The following SUGCT variants were observed in gnomAD, a reference collection of about 807,000 sequenced individuals.
The protein encoded by SUGCT is succinyl-CoA:glutarate CoA-transferase.
In SUGCT, 41 loss-of-function variants were observed where a neutral mutation model predicts 55.0. The ratio of observed to expected loss-of-function variants is 0.74; its 90% CI spans 0.58 to 0.97. The LOEUF (loss-of-function observed/expected upper bound fraction) is 0.97, where lower values mean the gene tolerates loss of function less well. Among genes scored for constraint, SUGCT ranks in the 50% least tolerant of loss-of-function variants. The pLI, the probability that SUGCT is intolerant of heterozygous loss-of-function variation, is 0.00. For missense variants in SUGCT, 568 were observed against 547.8 expected (o/e 1.04, Z -0.37); for synonymous variants, 187 against 200.4 (o/e 0.93, Z 0.56).
chr7:40,483,611 G>C (rs896316062), intron 11 of SUGCT, among the ~76,000 whole-genome samples: 1 of 151,342 alleles, frequency 6.6e-6, no homozygotes, highest in African/African-American at 2.4e-5. Context: ...TCCAGGAGAA[G>C]AAATTTGTAA....
At position 40,187,340 on chromosome 7, in the gene SUGCT, A is replaced by G. The variant is rs546976036; in HGVS notation, c.227-1155A>G. ...TAGGAGATATACCTAATGTTAAATG[A>G]TGAGTTAATGGGTGCAGCACACCAA... On this transcript the variant is annotated intron_variant, in intron 3 of 13. Transcript: ENST00000335693. Among the ~76,000 whole-genome samples the G allele has an allele frequency of 1.7e-3, 266 of 152,264 alleles. 1 individual carries two copies. Among genetic ancestry groups the G allele is most frequent in the Non-Finnish European group, 3.1e-3 (211 of 68,018 alleles).
intron 9 of SUGCT, among the ~76,000 whole-genome samples, chr7:40,432,570 CA>C: frequency 6.6e-6 from 1 of 151,788 alleles, no homozygotes; most frequent in Non-Finnish European, 1.5e-5. Flanking sequence ...CCTGTAATCC[CA>C]GCTACTCGGG....
chr7:40,697,895 G>A (rs755022587), intron 12 of SUGCT, among the ~76,000 whole-genome samples: 8 of 152,172 alleles, frequency 5.3e-5, no homozygotes, highest in African/African-American at 9.7e-5. Context: ...TGCCAGCCAC[G>A]TGCAGGACCT....
intron 12 of SUGCT, among the ~76,000 whole-genome samples, chr7:40,643,746 C>A (rs76486956): frequency 0.026 from 4,008 of 152,234 alleles, 156 homozygotes; most frequent in African/African-American, 0.093. Context: ...CCTACTGAGG[C>A]CCGTAAAATG....
At chr7:40,943,397 A>G in the SUGCT span, among the ~76,000 whole-genome samples, 1 of 146,920 alleles carries the variant, frequency 6.8e-6, no homozygotes, top group East Asian at 2.1e-4. Context: ...GTCATTTAGC[A>G]TTAGGTATAT....
chr7:40,189,699 C>T (rs902461783), intron 5 of SUGCT, 105 bp downstream of exon 5: 6 of 434,656 alleles, frequency 1.4e-5, no homozygotes, highest in South Asian at 1.0e-4. Context: ...GTGATCTGTA[C>T]GTTTGCAACA....
At chr7:40,771,582 A>T (rs1002670714) in intron 13 of SUGCT, among the ~76,000 whole-genome samples, 1 of 152,194 alleles carries the variant, frequency 6.6e-6, no homozygotes, top group Non-Finnish European at 1.5e-5. Context: ...TTAATTCAAG[A>T]TTCGATGGGG....
intron 1 of SUGCT, among the ~76,000 whole-genome samples, chr7:40,179,852 T>C (rs896096519): frequency 6.6e-6 from 1 of 152,144 alleles, no homozygotes; most frequent in Non-Finnish European, 1.5e-5. Context: ...TTTCCTAATA[T>C]CCTGTTGGCG....
chr7:40,721,111 G>A (rs751460483), intron 12 of SUGCT, among the ~76,000 whole-genome samples: 1 of 152,204 alleles, frequency 6.6e-6, no homozygotes, highest in African/African-American at 2.4e-5. Context: ...GAGCCAGTCT[G>A]TAGCAGCTCT....
Position 40,792,046 on chromosome 7 carries a change from AG to A in SUGCT, c.1153+42550del, listed in dbSNP as rs140369467. Among the ~76,000 whole-genome samples, 903 of 152,316 alleles carry A rather than the reference AG, an allele frequency of 5.9e-3. 3 individuals carry two copies. Among genetic ancestry groups the A allele is most frequent in the Non-Finnish European group, 0.01 (710 of 68,016 alleles). On this transcript the variant is annotated intron_variant, in intron 13 of 13. Coordinates refer to ENST00000335693, the MANE Select transcript of SUGCT (RefSeq NM_001193313.2). ...ACATGATTTGTCAAGGGTTGGCCTA[AG>A]ATGAGTAAATATGAAGCATTGCCAC...
intron 9 of SUGCT, among the ~76,000 whole-genome samples, chr7:40,380,166 C>T (rs1309051108): frequency 6.6e-6 from 1 of 152,120 alleles, no homozygotes; most frequent in Non-Finnish European, 1.5e-5. Flanking sequence ...AGTTCAGTGT[C>T]TTCTAGTGGC....
intron 8 of SUGCT, among the ~76,000 whole-genome samples, chr7:40,288,312 G>A (rs1291491390): frequency 6.6e-6 from 1 of 151,916 alleles, no homozygotes; most frequent in Non-Finnish European, 1.5e-5. Context: ...AGAAAACAAA[G>A]CCTGGGTTGT....
At chr7:40,663,354 T>C (rs554929239) in intron 12 of SUGCT, among the ~76,000 whole-genome samples, 67 of 152,244 alleles carry the variant, frequency 4.4e-4, no homozygotes, top group Non-Finnish European at 7.2e-4. Flanking sequence ...TATTCACTCT[T>C]AAAGCCATCC....
chr7:40,379,293 A>T (rs959917775), intron 9 of SUGCT, among the ~76,000 whole-genome samples: 8 of 152,290 alleles, frequency 5.3e-5, no homozygotes, highest in African/African-American at 1.9e-4. Context: ...AGTCTGTGAT[A>T]GTTTGTTATG....
the SUGCT span, among the ~76,000 whole-genome samples, chr7:40,929,968 T>C: frequency 6.6e-6 from 1 of 152,208 alleles, no homozygotes; most frequent in Non-Finnish European, 1.5e-5. Context: ...CCATTGCTTT[T>C]GGTGTTTTAG....
chr7:40,327,653 A>T (rs1055867257), intron 9 of SUGCT, among the ~76,000 whole-genome samples: 2 of 152,228 alleles, frequency 1.3e-5, no homozygotes, highest in African/African-American at 4.8e-5. Flanking sequence ...TAGTTCCTTT[A>T]AGATTTTTTC....
the SUGCT span, among the ~76,000 whole-genome samples, chr7:40,922,919 T>C: frequency 6.6e-6 from 1 of 152,240 alleles, no homozygotes; most frequent in Admixed American, 6.5e-5. Context: ...TAATTACTAA[T>C]AGGAGATTTG....
intron 9 of SUGCT, among the ~76,000 whole-genome samples, chr7:40,438,096 G>C (rs916156347): frequency 6.6e-6 from 1 of 151,976 alleles, no homozygotes; most frequent in Non-Finnish European, 1.5e-5. Flanking sequence ...TTATAATTAG[G>C]ATGTCATCAA....
chr7:40,153,909 C>G (rs1479633133), intron 1 of SUGCT: 1 of 376,332 alleles, frequency 2.7e-6, no homozygotes, highest in Non-Finnish European at 5.3e-6. Flanking sequence ...GAAACTGGAA[C>G]CTTCATCCAC....
Sources: allele counts gnomAD v4.1 joint callset (sites outside exome capture counted in the v4.1 genomes callset), GRCh38; gene constraint gnomAD v4.1.1; transcripts MANE v1.5; gene names NCBI Gene and HGNC (gene_info 2026-07-23, HGNC 2026-07-21).